TRMT9B: variants seen among roughly 807,000 people sequenced by gnomAD.
TRMT9B encodes tRNA methyltransferase 9B (putative).
TRMT9B carries 16 observed loss-of-function variants against 11.5 expected under a neutral mutation model. The observed-to-expected ratio is 1.39, with a 90% CI of 0.94 to 2.11. The LOEUF (loss-of-function observed/expected upper bound fraction) is 2.11, where lower values mean the gene tolerates loss of function less well. TRMT9B is among the 30% of genes most tolerant of loss of function. TRMT9B has a pLI of 0.00. For missense variants in TRMT9B, 941 were observed against 553.8 expected (o/e 1.70, Z -7.02); for synonymous variants, 274 against 192.4 (o/e 1.42, Z -3.51).
rs117578844 is a variant in TRMT9B, at chr8:13,003,778, C to T, written c.-1-2424C>T. 2.2e-3 allele frequency among the ~76,000 whole-genome samples: 336 copies of T among 150,834 alleles called. 3 individuals are homozygous for T. The highest frequency in any genetic ancestry group is 0.013 in the Admixed American group (202 of 15,022). On this transcript the variant is annotated intron_variant, in intron 2 of 4. Transcript: ENST00000524591. ...CTCCACTGATGGTGTGTCCCCACTCCGCCACCCTCCCCACAAGGACCAGAG... is the reference window on the plus strand; with the variant it reads ...CTCCACTGATGGTGTGTCCCCACTCTGCCACCCTCCCCACAAGGACCAGAG...
intron 4 of TRMT9B, among the ~76,000 whole-genome samples, chr8:13,017,095 C>T (rs1370716939): frequency 6.7e-6 from 1 of 150,050 alleles, no homozygotes; most frequent in East Asian, 1.9e-4. Context: ...TGCACTCCAG[C>T]CTGGGCGACA....
chr8:12,989,434 TG>T (rs1275819188), intron 1 of TRMT9B, among the ~76,000 whole-genome samples: 1 of 152,236 alleles, frequency 6.6e-6, no homozygotes, highest in Non-Finnish European at 1.5e-5. Flanking sequence ...CAGTCATATT[TG>T]TAGGTGTTTT....
chr8:12,989,531 T>C (rs1806960343), intron 1 of TRMT9B, among the ~76,000 whole-genome samples: 1 of 152,172 alleles, frequency 6.6e-6, no homozygotes. Context: ...ACAATTCCTC[T>C]TCTCATTGGT....
chr8:12,961,700 CAAA>C (rs756821000), intron 1 of TRMT9B: 4 of 51,526 alleles, frequency 7.8e-5, no homozygotes, highest in African/African-American at 1.1e-4. Context: ...GACTCCATCT[CAAA>C]AAAAAAAAAA....
chr8:12,946,618 G>A (rs546197681), intron 1 of TRMT9B, among the ~76,000 whole-genome samples: 1 of 152,210 alleles, frequency 6.6e-6, no homozygotes, highest in South Asian at 2.1e-4. Flanking sequence ...TTTATGAGAA[G>A]ACCAATTCAG....
chr8:12,988,112 G>T (rs1021621852), intron 1 of TRMT9B, among the ~76,000 whole-genome samples: 9 of 152,022 alleles, frequency 5.9e-5, no homozygotes, highest in Non-Finnish European at 1.0e-4. Flanking sequence ...TTTTGCATAT[G>T]CTGTTTCATA....
chr8:12,957,086 A>C (rs1011671460), intron 1 of TRMT9B, among the ~76,000 whole-genome samples: 1 of 152,238 alleles, frequency 6.6e-6, no homozygotes, highest in African/African-American at 2.4e-5. Flanking sequence ...AGTGCAGAAC[A>C]GTAGCTTACT....
chr8:13,011,483 G>T, intron 3 of TRMT9B: 2 of 982,692 alleles, frequency 2.0e-6, no homozygotes, highest in Non-Finnish European at 2.4e-6. Flanking sequence ...AATTTCATCA[G>T]TAATGCCAAT....
At chr8:12,946,486 T>C (rs536953486) in intron 1 of TRMT9B, among the ~76,000 whole-genome samples, 6 of 151,792 alleles carry the variant, frequency 4.0e-5, no homozygotes, top group Non-Finnish European at 8.8e-5. Context: ...AGGACGGAGA[T>C]TGTAGAAGAA....
chr8:12,976,299 T>C (rs1804436179), intron 1 of TRMT9B, among the ~76,000 whole-genome samples: 1 of 152,108 alleles, frequency 6.6e-6, no homozygotes, highest in African/African-American at 2.4e-5. Flanking sequence ...TTCACCATCG[T>C]AAAAGGCAAG....
Position 12,995,767 on chromosome 8 carries a change from G to A in TRMT9B, c.-2+4736G>A, listed in dbSNP as rs975757092. On this transcript the variant is annotated intron_variant, in intron 2 of 4. Transcript: ENST00000524591. ...CCATCCAGATACCAATTAGACCCAA[G>A]TCATTGTTGTCTTAGGTTCTAAGGC... Among the ~76,000 whole-genome samples, 4 of 152,112 alleles carry A rather than the reference G, an allele frequency of 2.6e-5. No individual in the cohort carries two copies. In the East Asian group the frequency reaches 7.7e-4, roughly 29 times the overall value.
intron 1 of TRMT9B, among the ~76,000 whole-genome samples, chr8:12,965,382 G>A (rs1034537511): frequency 5.9e-5 from 9 of 152,110 alleles, no homozygotes; most frequent in Non-Finnish European, 1.3e-4. Flanking sequence ...GGGAGATTTG[G>A]CTAAAAAGCA....
chr8:12,995,774 T>C (rs956652830), intron 2 of TRMT9B, among the ~76,000 whole-genome samples: 1 of 152,224 alleles, frequency 6.6e-6, no homozygotes, highest in African/African-American at 2.4e-5. Context: ...CAAGTCATTG[T>C]TGTCTTAGGT....
At chr8:12,947,993 A>G (rs914508021) in intron 1 of TRMT9B, among the ~76,000 whole-genome samples, 1 of 152,184 alleles carries the variant, frequency 6.6e-6, no homozygotes, top group Non-Finnish European at 1.5e-5. Flanking sequence ...CAGGGAGTTG[A>G]CTAATAAAGA....
intron 3 of TRMT9B, chr8:13,010,263 T>A (rs937440917): frequency 4.5e-6 from 4 of 897,448 alleles, no homozygotes; most frequent in Non-Finnish European, 4.0e-6. Context: ...TATACATTTT[T>A]TAAACTATTC....
Position 13,021,622 on chromosome 8 carries a change from T to C in TRMT9B, c.943T>C (p.Ser315Pro). 1 of 1,613,864 alleles carries C rather than the reference T, an allele frequency of 6.2e-7. No homozygotes were observed. The highest frequency in any genetic ancestry group is 1.1e-5 in the South Asian group (1 of 91,056). Residue 315 changes from serine (S) to proline (P), a missense_variant, in exon 5 of 5, where the codon TCT (serine) becomes CCT (proline). Physicochemically the swap from Ser to Pro is moderately conservative, Grantham distance 74. Transcript: ENST00000524591. Reference sequence around the variant, plus strand: ...TTTAGATGAGGAAGTGTTTGTGGAATCTTCTTCTGGAAAACACTTGGAGTG... The same window carrying C: ...TTTAGATGAGGAAGTGTTTGTGGAACCTTCTTCTGGAAAACACTTGGAGTG... ...QSLDEEVFVE[S>P]SSGKHLEWLR...
At chr8:12,979,687 T>C (rs150793509) in intron 1 of TRMT9B, among the ~76,000 whole-genome samples, 2 of 152,126 alleles carry the variant, frequency 1.3e-5, no homozygotes, top group Admixed American at 1.3e-4. Context: ...ACACCATTGG[T>C]TGTCAGAGTC....
At chr8:13,001,348 C>A (rs2128886218) in intron 2 of TRMT9B, among the ~76,000 whole-genome samples, 1 of 152,280 alleles carries the variant, frequency 6.6e-6, no homozygotes, top group South Asian at 2.1e-4. Context: ...AAAGAGGAGG[C>A]ACAAGGCTCA....
At chr8:13,013,590 T>C (rs901573241) in intron 4 of TRMT9B, among the ~76,000 whole-genome samples, 1 of 152,234 alleles carries the variant, frequency 6.6e-6, no homozygotes, top group East Asian at 1.9e-4. Flanking sequence ...AAGGTTTTTT[T>C]TGTTTGTTTG....
Sources: gnomAD v4.1 joint callset for allele counts (sites outside exome capture counted in the v4.1 genomes callset) on GRCh38, gnomAD v4.1.1 for gene constraint, MANE v1.5 for transcripts, NCBI Gene and HGNC (gene_info 2026-07-23, HGNC 2026-07-21) for gene names.